Variants in REC114 observed in about 807,000 individuals in gnomAD.
REC114 encodes meiotic recombination protein REC114.
In REC114, 27 loss-of-function variants were observed where a neutral mutation model predicts 31.3. That is an observed-to-expected ratio of 0.86 (90% CI 0.64 to 1.19). The LOEUF (loss-of-function observed/expected upper bound fraction) is 1.19, where lower values mean the gene tolerates loss of function less well. Ranked by LOEUF, REC114 falls within the 50% of genes most tolerant of loss-of-function variation. The probability of loss-of-function intolerance (pLI) is 0.00; values close to 1 mark genes in which losing one functional copy is unlikely to be tolerated. For missense variants in REC114, 344 were observed against 326.9 expected, an observed-to-expected ratio of 1.05 and a Z score of -0.40; for synonymous variants, 134 against 127.7, an observed-to-expected ratio of 1.05 and a Z score of -0.33.
In REC114 at chr15:73,443,205, T is replaced by C; in HGVS notation, c.20T>C (p.Val7Ala). The change falls in exon 1 of 6, where the codon GTG (valine) becomes GCG (alanine). Residue 7 changes from valine to alanine, a missense_variant. By Grantham distance (64) the Val-to-Ala change is moderately conservative (BLOSUM62 0). Coordinates refer to ENST00000331090, the MANE Select transcript of REC114 (RefSeq NM_001042367.2). MAEAGKVPLSLGLTGGE... is the reference protein window; with the variant it reads MAEAGKAPLSLGLTGGE... ...CAGGACATGGCGGAGGCAGGAAAAGTGCCCTTGAGCCTCGGGCTTACCGGA... is the reference window on the plus strand; with the variant it reads ...CAGGACATGGCGGAGGCAGGAAAAGCGCCCTTGAGCCTCGGGCTTACCGGA... The C allele has an allele frequency of 6.4e-7, 1 of 1,571,828 alleles. No individual in the cohort carries two copies. Among genetic ancestry groups the C allele is most frequent in the Middle Eastern group, 1.8e-4 (1 of 5,590 alleles).
intron 2 of REC114, 38 bp downstream of exon 2, chr15:73,473,959 T>C (rs1052188144): frequency 7.9e-7 from 1 of 1,270,672 alleles, no homozygotes; most frequent in African/African-American, 1.5e-5. Flanking sequence ...TGGAAATACA[T>C]CTTTGTCTTC....
chr15:73,475,785 G>GGA (rs1372884854), intron 2 of REC114, among the ~76,000 whole-genome samples: 1 of 152,154 alleles, frequency 6.6e-6, no homozygotes, highest in Non-Finnish European at 1.5e-5. Context: ...AGTTAACTGA[G>GGA]TGTACAGTGT....
chr15:73,545,992 G>A (rs1894303188), intron 3 of REC114, among the ~76,000 whole-genome samples: 1 of 152,098 alleles, frequency 6.6e-6, no homozygotes, highest in Non-Finnish European at 1.5e-5. Context: ...TGAATGTATA[G>A]GTCTCTTATC....
chr15:73,534,389 A>G (rs1008788682), intron 2 of REC114, among the ~76,000 whole-genome samples: 2 of 152,238 alleles, frequency 1.3e-5, no homozygotes, highest in African/African-American at 4.8e-5. Context: ...CCATCAGGGA[A>G]TACTACAATC....
chr15:73,538,931 C>G (rs1295922738), intron 2 of REC114, among the ~76,000 whole-genome samples: 1 of 150,946 alleles, frequency 6.6e-6, no homozygotes, highest in Non-Finnish European at 1.5e-5. Context: ...GCTTACCCTT[C>G]TCCATGCATC....
intron 1 of REC114, among the ~76,000 whole-genome samples, chr15:73,462,373 T>C (rs373034385): frequency 6.6e-6 from 1 of 152,128 alleles, no homozygotes; most frequent in Non-Finnish European, 1.5e-5. Flanking sequence ...GGTGTTATGA[T>C]ATTGGAATGT....
chr15:73,446,469 G>A (rs991670277), intron 1 of REC114, among the ~76,000 whole-genome samples: 33 of 152,140 alleles, frequency 2.2e-4, no homozygotes, highest in African/African-American at 7.0e-4. Flanking sequence ...GCAAAACCCC[G>A]TCTCTACAAA....
intron 2 of REC114, among the ~76,000 whole-genome samples, chr15:73,519,514 T>G: frequency 6.6e-6 from 1 of 152,180 alleles, no homozygotes; most frequent in East Asian, 1.9e-4. Flanking sequence ...CTGGAACCCT[T>G]ATACACTGTT....
intron 2 of REC114, among the ~76,000 whole-genome samples, chr15:73,513,783 G>A (rs1893813721): frequency 6.6e-6 from 1 of 151,420 alleles, no homozygotes; most frequent in African/African-American, 2.4e-5. Flanking sequence ...GGACCCACTT[G>A]AGGAGGCAGT....
intron 1 of REC114, among the ~76,000 whole-genome samples, chr15:73,450,586 A>G (rs1892830878): frequency 6.6e-6 from 1 of 152,210 alleles, no homozygotes; most frequent in South Asian, 2.1e-4. Context: ...TGAGACGGAA[A>G]ATTAACAAGG....
chr15:73,547,015 T>C (rs902944429), intron 3 of REC114, among the ~76,000 whole-genome samples: 9 of 152,080 alleles, frequency 5.9e-5, no homozygotes, highest in African/African-American at 1.9e-4. Context: ...AAAAATTTCT[T>C]CAGTAATACC....
At chr15:73,473,603 A>G (rs1893165443) in intron 1 of REC114, among the ~76,000 whole-genome samples, 1 of 152,180 alleles carries the variant, frequency 6.6e-6, no homozygotes, top group Admixed American at 6.5e-5. Flanking sequence ...TTTCTGTTTC[A>G]AAATATTGGC....
At chr15:73,456,262 A>C (rs1054854999) in intron 1 of REC114, among the ~76,000 whole-genome samples, 7 of 152,134 alleles carry the variant, frequency 4.6e-5, no homozygotes, top group African/African-American at 1.7e-4. Context: ...GTTGCTTTTA[A>C]AGTTTTACCA....
chr15:73,462,672 T>G (rs1482829351), intron 1 of REC114, among the ~76,000 whole-genome samples: 1 of 151,990 alleles, frequency 6.6e-6, no homozygotes, highest in Non-Finnish European at 1.5e-5. Context: ...GATCATGAGG[T>G]CAGGAGATTG....
intron 1 of REC114, among the ~76,000 whole-genome samples, chr15:73,446,664 A>G (rs560581589): frequency 3.3e-5 from 5 of 152,164 alleles, no homozygotes; most frequent in African/African-American, 7.2e-5. Context: ...TTCCCACAAC[A>G]TGTACAGAGG....
chr15:73,545,624 T>C (rs1894297674), intron 3 of REC114, among the ~76,000 whole-genome samples: 1 of 152,186 alleles, frequency 6.6e-6, no homozygotes, highest in Non-Finnish European at 1.5e-5. Flanking sequence ...GTTAGGCTAT[T>C]AGACATGTAA....
chr15:73,511,693 C>T (rs111299937), intron 2 of REC114, among the ~76,000 whole-genome samples: 200 of 148,538 alleles, frequency 1.3e-3, no homozygotes, highest in Non-Finnish European at 2.5e-3. Flanking sequence ...GCCTTCATTT[C>T]GTTATGTATC....
intron 2 of REC114, among the ~76,000 whole-genome samples, chr15:73,535,023 C>T (rs369902335): frequency 1.5e-4 from 21 of 141,180 alleles, no homozygotes; most frequent in Non-Finnish European, 3.0e-4. Flanking sequence ...ATTGATGGGA[C>T]GTATTTCAAA....
chr15:73,541,369 C>T (rs1315341299), intron 3 of REC114, among the ~76,000 whole-genome samples: 1 of 152,172 alleles, frequency 6.6e-6, no homozygotes, highest in Non-Finnish European at 1.5e-5. Flanking sequence ...TTGTTTCTGA[C>T]ATCTCAAATG....
Sources: gnomAD v4.1 joint callset for allele counts (sites outside exome capture counted in the v4.1 genomes callset) on GRCh38, gnomAD v4.1.1 for gene constraint, MANE v1.5 for transcripts, NCBI Gene and HGNC (gene_info 2026-07-23, HGNC 2026-07-21) for gene names.